The following LINGO1 variants were observed in gnomAD, a reference collection of about 807,000 sequenced individuals.
The protein encoded by LINGO1 is leucine rich repeat and Ig domain containing 1, also known as leucine-rich repeat and immunoglobulin-like domain-containing nogo receptor-interacting protein 1.
In LINGO1, 11 loss-of-function variants were observed where a neutral mutation model predicts 37.3. The observed-to-expected ratio is 0.29, with a 90% CI of 0.19 to 0.49. The LOEUF (loss-of-function observed/expected upper bound fraction) is 0.49. Among genes scored for constraint, LINGO1 ranks in the 20% least tolerant of loss-of-function variants. LINGO1 has a pLI of 0.99. For missense variants in LINGO1, 585 were observed against 878.2 expected, an observed-to-expected ratio of 0.67 and a Z score of 4.22; for synonymous variants, 387 against 403.0, an observed-to-expected ratio of 0.96 and a Z score of 0.48.
chr15:77,738,453 AG>A (rs1488716172), intron 1 of LINGO1, among the ~76,000 whole-genome samples: 5 of 152,016 alleles, frequency 3.3e-5, no homozygotes, highest in Non-Finnish European at 1.5e-5. Context: ...CTTCTACCAA[AG>A]GTTCTTCCCC....
upstream of LINGO1, chr15:77,634,293 C>T (rs888410894): frequency 2.2e-6 from 1 of 455,994 alleles, no homozygotes; most frequent in African/African-American, 2.0e-5. Context: ...TCCAGCTGCA[C>T]CATTTCTGGG....
At chr15:77,708,064 C>T (rs1216323412) in intron 2 of LINGO1, among the ~76,000 whole-genome samples, 1 of 152,188 alleles carries the variant, frequency 6.6e-6, no homozygotes, top group Non-Finnish European at 1.5e-5. Context: ...AATTACAGTT[C>T]TTCCTGTGTA....
At chr15:77,686,188 A>G (rs577383793) in intron 2 of LINGO1, among the ~76,000 whole-genome samples, 1 of 152,220 alleles carries the variant, frequency 6.6e-6, no homozygotes, top group African/African-American at 2.4e-5. Flanking sequence ...CCTCAGCCTG[A>G]TGTCCCCTGT....
chr15:77,739,456 G>A (rs1314353203), intron 1 of LINGO1, among the ~76,000 whole-genome samples: 1 of 152,162 alleles, frequency 6.6e-6, no homozygotes, highest in Non-Finnish European at 1.5e-5. Context: ...AGAAGCCCCT[G>A]GTCCTACTTC....
chr15:77,646,372 G>A (rs1406645304), intron 3 of LINGO1: 1 of 432,132 alleles, frequency 2.3e-6, no homozygotes, highest in Admixed American at 2.5e-5. Context: ...GGCACCCTCT[G>A]GTCTTGTCCC....
At chr15:77,801,073 G>A (rs2076914377) in intron 1 of LINGO1, among the ~76,000 whole-genome samples, 1 of 152,156 alleles carries the variant, frequency 6.6e-6, no homozygotes, top group Non-Finnish European at 1.5e-5. Flanking sequence ...GATGGAGGGG[G>A]AATTGGCTCA....
At chr15:77,654,563 A>G (rs1663291914) in intron 3 of LINGO1, among the ~76,000 whole-genome samples, 1 of 152,050 alleles carries the variant, frequency 6.6e-6, no homozygotes, top group Non-Finnish European at 1.5e-5. Context: ...ATCACTGAGC[A>G]CAATGCCCCT....
At chr15:77,728,985 A>G (rs1318757952) in intron 2 of LINGO1, among the ~76,000 whole-genome samples, 1 of 152,244 alleles carries the variant, frequency 6.6e-6, no homozygotes, top group Non-Finnish European at 1.5e-5. Flanking sequence ...GGACTTGGCC[A>G]AGTATTTGCA....
chr15:77,643,919 T>C (rs780297476), intron 3 of LINGO1, among the ~76,000 whole-genome samples: 5 of 152,182 alleles, frequency 3.3e-5, no homozygotes, highest in Admixed American at 6.5e-5. Flanking sequence ...TGGACTCCTC[T>C]GGGCAGAGCA....
chr15:77,778,119 C>T (rs1025804785), intron 1 of LINGO1, among the ~76,000 whole-genome samples: 1 of 152,212 alleles, frequency 6.6e-6, no homozygotes, highest in Non-Finnish European at 1.5e-5. Flanking sequence ...ACTCCAGGGG[C>T]ATATCCATTC....
At chr15:77,735,257 T>C (rs750743743) in intron 1 of LINGO1, among the ~76,000 whole-genome samples, 7 of 152,304 alleles carry the variant, frequency 4.6e-5, no homozygotes, top group East Asian at 1.9e-4. Flanking sequence ...AGAGTCAAGA[T>C]TGCACTTTCG....
intron 1 of LINGO1, among the ~76,000 whole-genome samples, chr15:77,779,313 G>A (rs779621680): frequency 2.2e-4 from 34 of 152,082 alleles, no homozygotes; most frequent in African/African-American, 4.8e-4. Context: ...GACCAGTTTC[G>A]TGGAAGACAA....
At chr15:77,812,127 C>T (rs189153721) in intron 1 of LINGO1, among the ~76,000 whole-genome samples, 1 of 152,324 alleles carries the variant, frequency 6.6e-6, no homozygotes, top group African/African-American at 2.4e-5. Context: ...GCCCTAGCTG[C>T]ACATTTAAAA....
intron 1 of LINGO1, among the ~76,000 whole-genome samples, chr15:77,815,167 T>G (rs2077037221): frequency 6.6e-6 from 1 of 152,142 alleles, no homozygotes; most frequent in Non-Finnish European, 1.5e-5. Context: ...GCAGCTGCTA[T>G]CCCTCCTCCA....
chr15:77,772,009 G>A (rs186811965), intron 1 of LINGO1, among the ~76,000 whole-genome samples: 260 of 152,344 alleles, frequency 1.7e-3, no homozygotes, highest in Middle Eastern at 3.4e-3. Flanking sequence ...AGACTGCAGG[G>A]AAGATGGGAC....
intron 2 of LINGO1, among the ~76,000 whole-genome samples, chr15:77,706,327 T>C (rs376700317): frequency 5.9e-5 from 9 of 152,146 alleles, no homozygotes; most frequent in East Asian, 1.9e-4. Flanking sequence ...CCCACCTTAC[T>C]CTTCTGTGTC....
chr15:77,766,309 A>AT (rs1255634609), intron 1 of LINGO1, among the ~76,000 whole-genome samples: 1 of 138,682 alleles, frequency 7.2e-6, no homozygotes, highest in South Asian at 2.1e-4. Flanking sequence ...AAAAAAAAAA[A>AT]AAAAAAAACA....
chr15:77,686,662 C>T (rs2075516437), intron 2 of LINGO1, among the ~76,000 whole-genome samples: 1 of 152,196 alleles, frequency 6.6e-6, no homozygotes, highest in Admixed American at 6.5e-5. Context: ...TGGGAGAACA[C>T]TTACCCTAGA....
intron 2 of LINGO1, among the ~76,000 whole-genome samples, chr15:77,795,357 C>T (rs1475866499): frequency 6.6e-6 from 1 of 152,170 alleles, no homozygotes; most frequent in Non-Finnish European, 1.5e-5. Flanking sequence ...GGTCCTGCTC[C>T]TCGTGATAAA....
Sources: gnomAD v4.1 joint callset for allele counts (sites outside exome capture counted in the v4.1 genomes callset) on GRCh38, gnomAD v4.1.1 for gene constraint, MANE v1.5 for transcripts, NCBI Gene and HGNC (gene_info 2026-07-23, HGNC 2026-07-21) for gene names.